Variants in ADCK1 observed in about 807,000 individuals in gnomAD.
ADCK1 encodes aarF domain containing kinase 1.
In ADCK1, 41 loss-of-function variants were observed where a neutral mutation model predicts 52.3. The ratio of observed to expected loss-of-function variants is 0.78; its 90% confidence interval spans 0.61 to 1.02. The LOEUF (loss-of-function observed/expected upper bound fraction) is 1.02. Ranked by LOEUF, ADCK1 falls within the 50% of genes least tolerant of loss-of-function variation. ADCK1 has a pLI of 0.00. For synonymous variants in ADCK1, 250 were observed against 274.6 expected, an observed-to-expected ratio of 0.91 and a Z score of 0.89; for missense variants, 658 against 679.5, an observed-to-expected ratio of 0.97 and a Z score of 0.35.
chr14:77,858,970 T>G, intron 3 of ADCK1, 106 bp from the exon 4 acceptor site: 28 of 1,035,070 alleles, frequency 2.7e-5, no homozygotes, highest in Non-Finnish European at 3.5e-5. Flanking sequence ...GCCCTGGGCA[T>G]TGTGGGGTAA....
intron 1 of ADCK1, among the ~76,000 whole-genome samples, chr14:77,806,052 T>C (rs1220947477): frequency 1.4e-5 from 2 of 148,092 alleles, no homozygotes; most frequent in East Asian, 4.1e-4. Flanking sequence ...GGCTCACATC[T>C]GTAATCCCAG....
chr14:77,842,347 C>T (rs1189528316), intron 3 of ADCK1, among the ~76,000 whole-genome samples: 3 of 152,040 alleles, frequency 2.0e-5, no homozygotes, highest in Non-Finnish European at 4.4e-5. Flanking sequence ...AAATGTGCTG[C>T]CTGTTGGTCT....
At chr14:77,921,346 A>AAAAAAAAAAAAAAAAAAC (rs2084053894) in intron 7 of ADCK1, among the ~76,000 whole-genome samples, 1 of 149,058 alleles carries the variant, frequency 6.7e-6, no homozygotes, top group Non-Finnish European at 1.5e-5. Flanking sequence ...AAAAAAAAAA[A>AAAAAAAAAAAAAAAAAAC]AAGAAAAAAA....
intron 10 of ADCK1, among the ~76,000 whole-genome samples, chr14:77,932,092 A>T (rs1356707286): frequency 6.6e-6 from 1 of 152,080 alleles, no homozygotes; most frequent in East Asian, 1.9e-4. Flanking sequence ...TCTGTCCCCC[A>T]GGCTGGAGTA....
At chr14:77,898,997 G>T (rs2083471021) in intron 5 of ADCK1, 103 bp from the exon 6 acceptor site, 3 of 1,478,532 alleles carry the variant, frequency 2.0e-6, no homozygotes, top group Non-Finnish European at 2.8e-6. Flanking sequence ...GGGCCCCAGG[G>T]GAGCAGTTTC....
At chr14:77,925,637 A>C in intron 8 of ADCK1, 127 bp from the exon 9 acceptor site, 1 of 889,476 alleles carries the variant, frequency 1.1e-6, no homozygotes, top group East Asian at 2.7e-5. Flanking sequence ...GCTCTGGGGG[A>C]GAAACAGATG....
intron 4 of ADCK1, among the ~76,000 whole-genome samples, chr14:77,864,015 G>A (rs1276925844): frequency 6.6e-6 from 1 of 152,118 alleles, no homozygotes; most frequent in East Asian, 1.9e-4. Flanking sequence ...GGGTGGTGTG[G>A]TTTGGCTTTT....
intron 4 of ADCK1, among the ~76,000 whole-genome samples, chr14:77,885,387 C>T (rs978936421): frequency 3.9e-5 from 6 of 152,194 alleles, no homozygotes; most frequent in South Asian, 2.1e-4. Context: ...GCCAGGGAAG[C>T]GAATCCCATA....
chr14:77,877,410 C>T (rs1439273473), intron 4 of ADCK1, among the ~76,000 whole-genome samples: 3 of 152,264 alleles, frequency 2.0e-5, no homozygotes, highest in South Asian at 4.2e-4. Context: ...TGAGGGTTGT[C>T]GGAAAAGGCC....
At chr14:77,814,409 T>C (rs987260575) in intron 1 of ADCK1, among the ~76,000 whole-genome samples, 2 of 141,884 alleles carry the variant, frequency 1.4e-5, no homozygotes, top group Non-Finnish European at 3.0e-5. Flanking sequence ...TGGTAGACAA[T>C]GAAGCCTCTC....
In ADCK1 at chr14:77,907,807, C is replaced by T. The variant is rs1432812835; in HGVS notation, c.746C>T (p.Pro249Leu). The stretch of plus-strand genomic sequence containing the variant: ...ACCTGTCCCTTCCTATCCCAGGTCC[C>T]CCGAATCCACTGGGACCTGTCCACG... ...MLRHFDFLKV[P>L]RIHWDLSTER... Residue 249 changes from proline (P) to leucine (L), a missense_variant, in exon 7 of 11, where the codon CCC becomes CTC. Physicochemically the swap from Pro to Leu is moderately conservative, Grantham distance 98. Coordinates refer to ENST00000238561, the MANE Select transcript of ADCK1 (RefSeq NM_020421.4). The T allele has an allele frequency of 6.2e-7, 1 of 1,613,236 alleles. No individual in the cohort carries two copies. The highest frequency in any genetic ancestry group is 1.3e-5 in the African/African-American group (1 of 74,898).
At chr14:77,829,570 T>A (rs777315612) in intron 3 of ADCK1, among the ~76,000 whole-genome samples, 4 of 151,376 alleles carry the variant, frequency 2.6e-5, no homozygotes, top group Non-Finnish European at 5.9e-5. Flanking sequence ...GTGCTGGGAT[T>A]ATGGGCATGA....
intron 5 of ADCK1, among the ~76,000 whole-genome samples, chr14:77,892,592 C>T (rs1034598605): frequency 6.7e-6 from 1 of 149,812 alleles, no homozygotes; most frequent in African/African-American, 2.5e-5. Flanking sequence ...ACAGCTGCAA[C>T]AGTTCCTGGT....
chr14:77,855,275 T>A (rs757395857), intron 3 of ADCK1, among the ~76,000 whole-genome samples: 21 of 152,244 alleles, frequency 1.4e-4, no homozygotes, highest in Non-Finnish European at 2.5e-4. Context: ...GTAGTAAGTA[T>A]GGAAACACTA....
intron 5 of ADCK1, 26 bp from the exon 6 acceptor site, chr14:77,899,074 T>A: frequency 1.2e-6 from 2 of 1,612,536 alleles, no homozygotes; most frequent in Non-Finnish European, 1.7e-6. Flanking sequence ...GTGGGCCAAA[T>A]GACTGGGGTG....
In ADCK1 at chr14:77,817,498, C is replaced by G. The variant is rs372475286; in HGVS notation, c.-11-1470C>G. ...AATTGCTCAGGAATTGAAGGGGAAGCACTCTGTTGGGTGCACTGGCCGCAA... is the reference window on the plus strand; with the variant it reads ...AATTGCTCAGGAATTGAAGGGGAAGGACTCTGTTGGGTGCACTGGCCGCAA... On this transcript the variant is annotated intron_variant, in intron 1 of 10. Coordinates refer to ENST00000238561, the MANE Select transcript of ADCK1 (RefSeq NM_020421.4). 5.0e-4 allele frequency among the ~76,000 whole-genome samples: 76 copies of G among 152,298 alleles called. 1 individual carries two copies. Among genetic ancestry groups the G allele is most frequent in the African/African-American group, 1.7e-3 (70 of 41,576 alleles).
intron 3 of ADCK1, among the ~76,000 whole-genome samples, chr14:77,848,411 GC>G (rs1170440067): frequency 2.0e-5 from 3 of 152,154 alleles, no homozygotes; most frequent in Non-Finnish European, 4.4e-5. Flanking sequence ...TATCTCAAGG[GC>G]TTTTACCTGG....
intron 3 of ADCK1, among the ~76,000 whole-genome samples, chr14:77,835,080 G>T (rs532988410): frequency 1.3e-5 from 2 of 152,322 alleles, no homozygotes; most frequent in African/African-American, 4.8e-5. Context: ...CATCATGAGA[G>T]ATGCGGGGTA....
At chr14:77,871,442 T>C (rs117456782) in intron 4 of ADCK1, among the ~76,000 whole-genome samples, 6,942 of 152,180 alleles carry the variant, frequency 0.046, 322 homozygotes, top group African/African-American at 0.12. Context: ...ATGGCAACCT[T>C]TGCCTCCCGG....
Sources: gnomAD v4.1 joint callset for allele counts (sites outside exome capture counted in the v4.1 genomes callset) on GRCh38, gnomAD v4.1.1 for gene constraint, MANE v1.5 for transcripts, NCBI Gene and HGNC (gene_info 2026-07-23, HGNC 2026-07-21) for gene names.